NBEA: variants seen among roughly 807,000 people sequenced by gnomAD.
NBEA encodes the protein neurobeachin.
Under a neutral mutation model 343.4 loss-of-function variants are expected in NBEA, and 44 were observed. That is an observed-to-expected ratio of 0.13 (90% CI 0.10 to 0.16). The LOEUF is 0.16. Ranked by LOEUF, NBEA falls within the 10% of genes least tolerant of loss-of-function variation. NBEA has a pLI of 1.00. For missense variants in NBEA, 2,555 were observed against 3,631.3 expected (o/e 0.70, Z 7.62); for synonymous variants, 1,175 against 1,238.7 (o/e 0.95, Z 1.08).
At chr13:35,121,903 T>C (rs2066821288) in intron 16 of NBEA, among the ~76,000 whole-genome samples, 1 of 152,154 alleles carries the variant, frequency 6.6e-6, no homozygotes, top group African/African-American at 2.4e-5. Flanking sequence ...TTCAGAAACA[T>C]ATTTAATAAA....
intron 45 of NBEA, among the ~76,000 whole-genome samples, chr13:35,579,337 TC>T (rs1256677340): frequency 6.6e-6 from 1 of 152,166 alleles, no homozygotes; most frequent in African/African-American, 2.4e-5. Flanking sequence ...TAAAAGTTCT[TC>T]TGATGTCTCA....
chr13:35,606,672 A>G (rs989870387), intron 48 of NBEA, 94 bp downstream of exon 48: 40 of 967,772 alleles, frequency 4.1e-5, no homozygotes, highest in East Asian at 3.1e-5. Context: ...AATATTACCA[A>G]TTATACTTAA....
At chr13:35,193,756 G>A (rs1213043701) in intron 30 of NBEA, among the ~76,000 whole-genome samples, 1 of 151,840 alleles carries the variant, frequency 6.6e-6, no homozygotes, top group Non-Finnish European at 1.5e-5. Context: ...CAATATGAAT[G>A]TTTGAATATT....
chr13:35,312,064 C>T (rs991211489), intron 36 of NBEA, among the ~76,000 whole-genome samples: 2 of 152,008 alleles, frequency 1.3e-5, no homozygotes, highest in South Asian at 4.2e-4. Flanking sequence ...TGTTCAACAC[C>T]CACTACATGT....
intron 38 of NBEA, among the ~76,000 whole-genome samples, chr13:35,375,780 A>C (rs955833513): frequency 1.3e-5 from 2 of 152,186 alleles, no homozygotes; most frequent in Non-Finnish European, 2.9e-5. Flanking sequence ...AGTGATCTTA[A>C]ATATAATGAG....
chr13:35,004,414 T>C (rs1029800631), intron 1 of NBEA, among the ~76,000 whole-genome samples: 1 of 152,200 alleles, frequency 6.6e-6, no homozygotes, highest in Non-Finnish European at 1.5e-5. Context: ...TCAAGTCTTT[T>C]GTAAATTGCT....
rs184298008 is a variant in NBEA, at chr13:35,142,583, G to C, written c.2445+206G>C. 7.3e-4 allele frequency among the ~76,000 whole-genome samples: 111 copies of C among 152,132 alleles called. 1 individual carries two copies. The highest frequency in any genetic ancestry group is 6.5e-3 in the Admixed American group (99 of 15,294). ...GTACAATTTTTGCCAATTTCTTTAT[G>C]TCGATCCAAGAGCTTTTCTTCTTGT... On this transcript the variant is annotated intron_variant, in intron 18 of 58. Coordinates refer to ENST00000379939, the MANE Select transcript of NBEA (RefSeq NM_001385012.1).
At chr13:35,256,346 G>T (rs2152793682) in intron 34 of NBEA, among the ~76,000 whole-genome samples, 1 of 152,336 alleles carries the variant, frequency 6.6e-6, no homozygotes, top group South Asian at 2.1e-4. Context: ...TGGTTCTGGG[G>T]TCTTTATGGG....
At chr13:35,664,612 T>C (rs1293192599) in intron 55 of NBEA, among the ~76,000 whole-genome samples, 1 of 152,234 alleles carries the variant, frequency 6.6e-6, no homozygotes, top group Non-Finnish European at 1.5e-5. Flanking sequence ...TTCGCACTAA[T>C]AAAGTGAAGT....
chr13:35,208,746 G>A lies in NBEA; in HGVS notation c.5413G>A (p.Val1805Ile). 6.2e-7 allele frequency: 1 copy of A among 1,611,254 alleles called. No individual in the cohort carries two copies. Among genetic ancestry groups the A allele is most frequent in the Non-Finnish European group, 8.5e-7 (1 of 1,178,322 alleles). Residue 1805 changes from valine to isoleucine, a missense_variant, in exon 32 of 59, where the codon GTA (valine) becomes ATA (isoleucine). Coordinates refer to ENST00000379939, the MANE Select transcript of NBEA (RefSeq NM_001385012.1). ...GAAACCACCTCCAGGTAGTTTAGCT[G>A]TAACCACTGTGGGAGCCACTACTGC... Reference protein sequence around the residue: ...VKKPPPGSLAVTTVGATTAGS... With the variant: ...VKKPPPGSLAITTVGATTAGS...
intron 8 of NBEA, 38 bp from the exon 9 acceptor site, chr13:35,069,870 T>C (rs1478919966): frequency 1.4e-6 from 2 of 1,428,086 alleles, no homozygotes; most frequent in Admixed American, 2.4e-5. Context: ...TAATTGTTGC[T>C]TTTAAAAAGA....
At chr13:35,170,283 A>G (rs575518664) in intron 25 of NBEA, among the ~76,000 whole-genome samples, 204 of 151,920 alleles carry the variant, frequency 1.3e-3, no homozygotes, top group Middle Eastern at 3.4e-3. Context: ...TACCTATTAC[A>G]TATGCTAACC....
intron 28 of NBEA, among the ~76,000 whole-genome samples, chr13:35,177,794 G>A (rs1031283876): frequency 6.6e-6 from 1 of 151,596 alleles, no homozygotes; most frequent in Admixed American, 6.6e-5. Context: ...TGTTTTAGTT[G>A]ATGATTCTTA....
chr13:35,623,449 C>A (rs975792550), intron 48 of NBEA, among the ~76,000 whole-genome samples: 5 of 152,008 alleles, frequency 3.3e-5, no homozygotes, highest in Admixed American at 2.0e-4. Context: ...ATCTTCTTTT[C>A]TTTCTGCACA....
At chr13:35,029,544 G>A (rs1432886512) in intron 1 of NBEA, among the ~76,000 whole-genome samples, 1 of 151,564 alleles carries the variant, frequency 6.6e-6, no homozygotes, top group Non-Finnish European at 1.5e-5. Context: ...TTTCTGAAAA[G>A]TGTTACCATT....
At chr13:35,133,243 A>G (rs958233528) in intron 17 of NBEA, among the ~76,000 whole-genome samples, 1 of 152,114 alleles carries the variant, frequency 6.6e-6, no homozygotes, top group Non-Finnish European at 1.5e-5. Context: ...TTAGCAGTAA[A>G]CATATGGGTG....
rs2059959050 is a variant in NBEA at position 34,970,333 on chromosome 13, C to T, written c.294+27219C>T. Among the ~76,000 whole-genome samples the T allele has an allele frequency of 2.0e-5, 3 of 151,886 alleles. 1 individual carries two copies. In the South Asian group the frequency reaches 6.2e-4, roughly 32 times the overall value. Reference sequence around the variant, plus strand: ...AGATGCATGGTTTGTAAAATTTTCTCCCATTCCGTAGGTTGTCTGTTTACC... The same window carrying T: ...AGATGCATGGTTTGTAAAATTTTCTTCCATTCCGTAGGTTGTCTGTTTACC... On this transcript the variant is annotated intron_variant, in intron 1 of 58. Coordinates refer to ENST00000379939, the MANE Select transcript of NBEA (RefSeq NM_001385012.1).
intron 1 of NBEA, among the ~76,000 whole-genome samples, chr13:34,978,969 G>A (rs2060267379): frequency 6.6e-6 from 1 of 151,902 alleles, no homozygotes. Context: ...ATTCCTTTTG[G>A]GTAAATACCT....
chr13:35,155,378 C>G (rs1232070542), intron 18 of NBEA, among the ~76,000 whole-genome samples: 2 of 152,072 alleles, frequency 1.3e-5, no homozygotes, highest in Non-Finnish European at 2.9e-5. Context: ...AACCCCAGCA[C>G]TTTGGGAGGC....
Sources: allele counts gnomAD v4.1 joint callset (sites outside exome capture counted in the v4.1 genomes callset), GRCh38; gene constraint gnomAD v4.1.1; transcripts MANE v1.5; gene names NCBI Gene and HGNC (gene_info 2026-07-23, HGNC 2026-07-21).